Variants in CETN2 observed in about 807,000 individuals in gnomAD.
CETN2 encodes the protein centrin 2.
In CETN2, 2 loss-of-function variants were observed where a neutral mutation model predicts 12.6. That is an observed-to-expected ratio of 0.16 (90% CI 0.07 to 0.50). The LOEUF is 0.50. CETN2 is among the 20% of genes least tolerant of loss of function. The pLI is 0.96. For missense variants in CETN2, 81 were observed against 128.3 expected, an observed-to-expected ratio of 0.63 and a Z score of 1.78; for synonymous variants, 41 against 43.4, an observed-to-expected ratio of 0.94 and a Z score of 0.22.
At chrX:152,829,039 G>C (rs1556843003) in intron 3 of CETN2, 110 bp downstream of exon 3, 1 of 934,625 alleles carries the variant, frequency 1.1e-6, no homozygotes, top group African/African-American at 2.0e-5. Flanking sequence ...TCCTGATGCA[G>C]TTGCTACCTG....
chrX:152,829,207 T>G lies in CETN2; in HGVS notation c.233A>C (p.Lys78Thr). Residue 78 changes from lysine to threonine, a missense_variant, in exon 3 of 5, where the codon AAG (lysine) becomes ACG (threonine). Lys to Thr is a moderately conservative substitution (Grantham distance 78). Coordinates refer to ENST00000370277, the MANE Select transcript of CETN2 (RefSeq NM_004344.3). ...AAAGTTCATTTTTCCTGTCCCTTCC[T>G]TATCAATTTCACTTATCATTTTCTT... ...EIKKMISEID[K>T]EGTGKMNFGD... 8.3e-7 allele frequency: 1 copy of G among 1,206,667 alleles called. No homozygotes were observed. Among genetic ancestry groups the G allele is most frequent in the Non-Finnish European group, 1.1e-6 (1 of 893,693 alleles).
Position 152,827,704 on chromosome X carries a change from A to G in CETN2, c.*137T>C. ...AAGAACACTTCCAAACGGCTAAAAT[A>G]GGCTCAAGGTCACTATTAAAGTGAT... On this transcript the variant is annotated 3_prime_UTR_variant, in exon 5 of 5. Transcript: ENST00000370277. The G allele has an allele frequency of 4.1e-6, 2 of 482,030 alleles. No homozygotes were observed. The highest frequency in any genetic ancestry group is 3.4e-5 in the East Asian group (1 of 29,195). The allele number at this position is 482,030 out of a possible 1,213,427, so 39.7% of individuals were successfully genotyped here.
Position 152,828,012 on chromosome X carries a change from A to G in CETN2, c.430-82T>C. ...GTAATAGACTTTTTTTTTTTTAGAG[A>G]TGGGGTCTCTATGCTGCCCACACTG... On this transcript the variant is annotated intron_variant, in intron 4 of 4. Coordinates refer to ENST00000370277, the MANE Select transcript of CETN2 (RefSeq NM_004344.3). 11 of 776,236 alleles carry G rather than the reference A, an allele frequency of 1.4e-5. No individual in the cohort carries two copies. The South Asian group carries it at 2.7e-4, about 19-fold the overall frequency. 64.0% of individuals were successfully genotyped at this position (776,236 alleles called of 1,213,427 possible).
At chrX:152,830,582 A>C in intron 1 of CETN2, 126 bp downstream of exon 1, 134 of 773,914 alleles carry the variant, frequency 1.7e-4, no homozygotes, top group Non-Finnish European at 2.2e-4. Context: ...TCTCCCGGGA[A>C]AGAGCTCAAA....
chrX:152,828,718 G>A (rs782429220), intron 3 of CETN2, 44 bp from the exon 4 acceptor site: 24 of 1,152,316 alleles, frequency 2.1e-5, no homozygotes, highest in East Asian at 3.0e-5. Flanking sequence ...GGGACACCAC[G>A]GTTGGTTACT....
intron 4 of CETN2, 129 bp downstream of exon 4, chrX:152,828,408 T>C (rs1328003970): frequency 2.2e-5 from 16 of 727,503 alleles, no homozygotes; most frequent in South Asian, 2.9e-5. Context: ...GAGAATTAAG[T>C]TGTCTGCAGA....
In CETN2 at chrX:152,830,675, G is replaced by A. The variant is rs782188193; in HGVS notation, c.3+33C>T. ...GGGGCCTGGGAAGGGCTCAGCCGCT[G>A]GGCGTGGGGCGCGACAGAGCGGCAG... On this transcript the variant is annotated intron_variant, in intron 1 of 4. Transcript: ENST00000370277. 10 of 1,174,126 alleles carry A rather than the reference G, an allele frequency of 8.5e-6. No homozygotes were observed. In the Admixed American group the frequency reaches 1.9e-4, roughly 23 times the overall value.
chrX:152,830,581 A>C, intron 1 of CETN2, 127 bp downstream of exon 1: 10 of 844,682 alleles, frequency 1.2e-5, no homozygotes, highest in Non-Finnish European at 1.5e-5. Flanking sequence ...CTCTCCCGGG[A>C]AAGAGCTCAA....
rs782672510 is a variant in CETN2, at chrX:152,829,425, A to G, written c.163-148T>C. The G allele has an allele frequency of 1.1e-5, 10 of 892,988 alleles. No homozygotes were observed. The African/African-American group carries it at 1.8e-4, about 16-fold the overall frequency. 73.6% of individuals were successfully genotyped at this position (892,988 alleles called of 1,213,427 possible). On this transcript the variant is annotated intron_variant, in intron 2 of 4. Transcript: ENST00000370277. ...GACATTGATCTAATTGATATTTGCA[A>G]TCAATTTTATTGAATAATACTCAAA...
intron 1 of CETN2, 25 bp downstream of exon 1, chrX:152,830,683 G>A (rs1556843255): frequency 6.8e-6 from 8 of 1,177,337 alleles, no homozygotes; most frequent in African/African-American, 3.5e-5. Flanking sequence ...CTGGGCGTGG[G>A]GCGCGACAGA....
intron 1 of CETN2, 36 bp from the exon 2 acceptor site, chrX:152,829,796 T>C (rs3213467): frequency 0.065 from 69,393 of 1,074,501 alleles, 1,802 homozygotes; most frequent in South Asian, 0.16. Context: ...CACAATAATA[T>C]ATCATACAGT....
chrX:152,827,995 C>CGT lies in CETN2; in HGVS notation c.430-66_430-65insAC, dbSNP rs376806188. 2.6e-5 allele frequency: 20 copies of CGT among 772,087 alleles called. No individual in the cohort carries two copies. The African/African-American group carries it at 3.7e-4, about 14-fold the overall frequency. 63.6% of individuals were successfully genotyped at this position (772,087 alleles called of 1,213,427 possible). ...TGCCAAAAGGTGACTAAGTAATAGACTTTTTTTTTTTTAGAGATGGGGTCT... is the reference window on the plus strand; with the variant it reads ...TGCCAAAAGGTGACTAAGTAATAGACGTTTTTTTTTTTTTAGAGATGGGGTCT... On this transcript the variant is annotated intron_variant, in intron 4 of 4. Coordinates refer to ENST00000370277, the MANE Select transcript of CETN2 (RefSeq NM_004344.3).
Position 152,829,866 on chromosome X carries a change from C to T in CETN2, c.4-106G>A, listed in dbSNP as rs781795783. 9.0e-5 allele frequency: 57 copies of T among 630,208 alleles called. No individual in the cohort carries two copies. The African/African-American group carries it at 1.2e-3, about 14-fold the overall frequency. The allele number at this position is 630,208 out of a possible 1,213,427, so 51.9% of individuals were successfully genotyped here. Reference sequence around the variant, plus strand: ...TGTATTTTTAAAGTCATTTATATAACCAATTCCAAAGCTTTGCTTAAAAAG... The same window carrying T: ...TGTATTTTTAAAGTCATTTATATAATCAATTCCAAAGCTTTGCTTAAAAAG... On this transcript the variant is annotated intron_variant, in intron 1 of 4. Transcript: ENST00000370277.
chrX:152,829,180 C>T lies in CETN2; in HGVS notation c.260G>A (p.Gly87Asp), dbSNP rs374235428. 8.3e-7 allele frequency: 1 copy of T among 1,210,043 alleles called. No individual in the cohort carries two copies. The highest frequency in any genetic ancestry group is 1.1e-6 in the Non-Finnish European group (1 of 894,723). Residue 87 changes from glycine to aspartate, a missense_variant, in exon 3 of 5, where the codon GGT becomes GAT. Physicochemically the swap from Gly to Asp is moderately conservative, Grantham distance 94. Coordinates refer to ENST00000370277, the MANE Select transcript of CETN2 (RefSeq NM_004344.3). Reference protein sequence around the residue: ...DKEGTGKMNFGDFLTVMTQKM... With the variant: ...DKEGTGKMNFDDFLTVMTQKM... Reference sequence around the variant, plus strand: ...CTGGGTCATCACAGTTAAAAAGTCACCAAAGTTCATTTTTCCTGTCCCTTC... The same window carrying T: ...CTGGGTCATCACAGTTAAAAAGTCATCAAAGTTCATTTTTCCTGTCCCTTC...
At position 152,828,910 on chromosome X, in the gene CETN2, A is replaced by AT. The variant is rs781811058; in HGVS notation, c.292-237dup. Reference sequence around the variant, plus strand: ...CTATCGCTATATCTCTCCCTATCCCATATCTATTTCCTAACTGATTTGGAA... The same window carrying AT: ...CTATCGCTATATCTCTCCCTATCCCATTATCTATTTCCTAACTGATTTGGAA... On this transcript the variant is annotated intron_variant, in intron 3 of 4. Transcript: ENST00000370277. 3,161 of 436,063 alleles carry AT rather than the reference A, an allele frequency of 7.2e-3. 18 individuals carry two copies. The highest frequency in any genetic ancestry group is 9.9e-3 in the Non-Finnish European group (2,558 of 257,410). 35.9% of individuals were successfully genotyped at this position (436,063 alleles called of 1,213,427 possible). A position where few individuals can be genotyped will look rare whatever the true frequency, so the allele number is the denominator to read the frequency against.
In CETN2 at chrX:152,827,605, C is replaced by T. The variant is rs1556842750; in HGVS notation, c.*236G>A. 12 of 316,622 alleles carry T rather than the reference C, an allele frequency of 3.8e-5. No individual in the cohort carries two copies. Among genetic ancestry groups the T allele is most frequent in the South Asian group, 2.0e-4 (2 of 10,174 alleles). 26.1% of individuals were successfully genotyped at this position (316,622 alleles called of 1,213,427 possible). A position where few individuals can be genotyped will look rare whatever the true frequency, so the allele number is the denominator to read the frequency against. ...CAAAGCTTTAAGATCCTTTTCTTCA[C>T]GCTTGTGTGCTCTTGTTTTGCTTTT... is the stretch of plus-strand genomic sequence containing the variant. On this transcript the variant is annotated 3_prime_UTR_variant, in exon 5 of 5. Coordinates refer to ENST00000370277, the MANE Select transcript of CETN2 (RefSeq NM_004344.3).
At chrX:152,830,129 C>T (rs1449893415) in intron 1 of CETN2, among the ~76,000 whole-genome samples, 13 of 112,409 alleles carry the variant, frequency 1.2e-4, no homozygotes. Flanking sequence ...ATGCCCACTC[C>T]CAGTACTCCC....
At chrX:152,829,374 AT>A in intron 2 of CETN2, 97 bp from the exon 3 acceptor site, 1 of 986,080 alleles carries the variant, frequency 1.0e-6, no homozygotes, top group Non-Finnish European at 1.4e-6. Context: ...TGATGTGGTC[AT>A]GTTAATATGA....
chrX:152,830,731 G>A lies in CETN2; in HGVS notation c.-21C>T. 1 of 1,168,101 alleles carries A rather than the reference G, an allele frequency of 8.6e-7. No individual in the cohort carries two copies. ...ACCATAGCCAAAGGAGTCCGCTGCC[G>A]GTTGTTAGGCAACCGACGTGTACAC... On this transcript the variant is annotated 5_prime_UTR_variant, in exon 1 of 5. Coordinates refer to ENST00000370277, the MANE Select transcript of CETN2 (RefSeq NM_004344.3).
Sources: gnomAD v4.1 joint callset for allele counts (sites outside exome capture counted in the v4.1 genomes callset) on GRCh38, gnomAD v4.1.1 for gene constraint, MANE v1.5 for transcripts, NCBI Gene and HGNC (gene_info 2026-07-23, HGNC 2026-07-21) for gene names.